Variants in FLVCR2 observed in about 807,000 individuals in gnomAD.
FLVCR2 encodes the protein FLVCR choline and putative heme transporter 2, also known as choline/ethanolamine transporter FLVCR2.
FLVCR2 carries 38 observed loss-of-function variants against 48.9 expected under a neutral mutation model. That is an observed-to-expected ratio of 0.78 (90% CI 0.60 to 1.02). The LOEUF (loss-of-function observed/expected upper bound fraction) is 1.02, where lower values mean the gene tolerates loss of function less well. Ranked by LOEUF, FLVCR2 falls within the 50% of genes least tolerant of loss-of-function variation. FLVCR2 has a pLI of 0.00. For synonymous variants in FLVCR2, 255 were observed against 257.0 expected (o/e 0.99, Z 0.07); for missense variants, 664 against 663.3 (o/e 1.00, Z -0.01).
At chr14:75,609,497 C>A (rs2140025456) in intron 1 of FLVCR2, among the ~76,000 whole-genome samples, 1 of 152,206 alleles carries the variant, frequency 6.6e-6, no homozygotes, top group South Asian at 2.1e-4. Context: ...ATTTCTTTTT[C>A]TTTCCAGCTG....
chr14:75,595,918 A>C, intron 1 of FLVCR2: 1 of 1,235,852 alleles, frequency 8.1e-7, no homozygotes, highest in East Asian at 2.3e-5. Context: ...TTCTTCTCAT[A>C]CAGGCCATGT....
rs76933739 is a variant in FLVCR2, at chr14:75,619,784, G to A, written c.670-2295G>A. Among the ~76,000 whole-genome samples the A allele has an allele frequency of 4.6e-4, 70 of 152,288 alleles. 1 individual carries two copies. In the East Asian group the frequency reaches 0.012, roughly 26 times the overall value. The stretch of plus-strand genomic sequence containing the variant: ...CTGCTAAGGCCCACCCATCCAACCT[G>A]CTGCCTGGAGAAGGCTTAAAAGCCG... On this transcript the variant is annotated intron_variant, in intron 1 of 9. Transcript: ENST00000238667.
chr14:75,582,271 T>C (rs1002071339), intron 1 of FLVCR2, among the ~76,000 whole-genome samples: 6 of 152,208 alleles, frequency 3.9e-5, no homozygotes, highest in African/African-American at 1.4e-4. Flanking sequence ...GAAACCTCTT[T>C]CAGCCCATAT....
intron 1 of FLVCR2, among the ~76,000 whole-genome samples, chr14:75,594,981 G>A (rs1888982676): frequency 1.3e-5 from 2 of 152,216 alleles, no homozygotes; most frequent in East Asian, 1.9e-4. Context: ...GCCTCCCAAA[G>A]TGCTGGGTTT....
At chr14:75,596,290 A>G (rs1889019619) in intron 1 of FLVCR2, 1 of 492,732 alleles carries the variant, frequency 2.0e-6, no homozygotes, top group Non-Finnish European at 3.7e-6. Flanking sequence ...GGAGGAGAGT[A>G]GACAAGGGCT....
At chr14:75,596,784 C>G (rs900764905) in intron 1 of FLVCR2, among the ~76,000 whole-genome samples, 12 of 104,544 alleles carry the variant, frequency 1.1e-4, no homozygotes, top group Admixed American at 3.7e-4. Flanking sequence ...TCTTTTGCCC[C>G]CCCCCCCCGC....
intron 9 of FLVCR2, among the ~76,000 whole-genome samples, chr14:75,645,917 CAAAAAAA>C (rs33996926): frequency 5.3e-5 from 5 of 93,934 alleles, no homozygotes; most frequent in East Asian, 3.4e-4. Context: ...GACTCCATCT[CAAAAAAA>C]AAAAAAAAAA....
intron 1 of FLVCR2, chr14:75,596,264 C>G: frequency 1.8e-6 from 1 of 554,602 alleles, no homozygotes; most frequent in South Asian, 2.0e-5. Flanking sequence ...TGCTTTCTAG[C>G]CTCCTATTGT....
chr14:75,620,181 C>T (rs1352647569), intron 1 of FLVCR2, among the ~76,000 whole-genome samples: 1 of 152,166 alleles, frequency 6.6e-6, no homozygotes, highest in Non-Finnish European at 1.5e-5. Flanking sequence ...CTGCTTGTGG[C>T]TGGTTTCTAC....
intron 9 of FLVCR2, among the ~76,000 whole-genome samples, chr14:75,644,583 G>C (rs536386605): frequency 1.3e-5 from 2 of 152,242 alleles, no homozygotes; most frequent in East Asian, 3.9e-4. Context: ...TGTGTCCCTG[G>C]ATAATTCACT....
At chr14:75,596,180 AGTGTG>A in intron 1 of FLVCR2, 1 of 740,042 alleles carries the variant, frequency 1.4e-6, no homozygotes, top group Non-Finnish European at 2.5e-6. Context: ...TGAACTTTCT[AGTGTG>A]GATAGTTACT....
At chr14:75,624,263 C>T (rs552153367) in intron 2 of FLVCR2, among the ~76,000 whole-genome samples, 4 of 149,966 alleles carry the variant, frequency 2.7e-5, no homozygotes, top group South Asian at 2.1e-4. Flanking sequence ...CTCAGGAGGC[C>T]GAGATGGGAG....
intron 1 of FLVCR2, among the ~76,000 whole-genome samples, chr14:75,594,105 G>T (rs931852784): frequency 4.6e-5 from 7 of 152,190 alleles, no homozygotes; most frequent in African/African-American, 1.7e-4. Context: ...ATTCTGCCAA[G>T]TTCTTTGCAA....
intron 1 of FLVCR2, among the ~76,000 whole-genome samples, chr14:75,609,010 G>A (rs1427941587): frequency 1.3e-5 from 2 of 151,860 alleles, no homozygotes; most frequent in African/African-American, 2.4e-5. Flanking sequence ...CCAGTTGACA[G>A]CAGGCAATGA....
intron 1 of FLVCR2, chr14:75,596,320 A>G (rs1210508388): frequency 2.4e-6 from 1 of 416,732 alleles, no homozygotes; most frequent in Non-Finnish European, 4.4e-6. Context: ...AAACAAGGCC[A>G]GTAGTGACTA....
chr14:75,596,612 TGATAA>T (rs1889027519), intron 1 of FLVCR2, among the ~76,000 whole-genome samples: 6 of 152,206 alleles, frequency 3.9e-5, no homozygotes, highest in Admixed American at 3.9e-4. Context: ...TTTGTAATCA[TGATAA>T]AATATAAATA....
In FLVCR2 at chr14:75,613,168, T is replaced by G. The variant is rs892899655; in HGVS notation, c.670-8911T>G. On this transcript the variant is annotated intron_variant, in intron 1 of 9. Transcript: ENST00000238667. ...TGTGTTAGTCCATTTTGGATTGCTATAAAGGAATATCTGAGGCTGGGTGAT... is the reference window on the plus strand; with the variant it reads ...TGTGTTAGTCCATTTTGGATTGCTAGAAAGGAATATCTGAGGCTGGGTGAT... 2.0e-5 allele frequency among the ~76,000 whole-genome samples: 3 copies of G among 152,118 alleles called. No individual in the cohort carries two copies. The South Asian group carries it at 6.2e-4, about 32-fold the overall frequency.
At chr14:75,584,751 G>A (rs1352816659) in intron 1 of FLVCR2, among the ~76,000 whole-genome samples, 1 of 152,208 alleles carries the variant, frequency 6.6e-6, no homozygotes, top group African/African-American at 2.4e-5. Flanking sequence ...CGTTCATCTG[G>A]GGAGAGGGTA....
intron 1 of FLVCR2, among the ~76,000 whole-genome samples, chr14:75,584,450 G>A (rs112682929): frequency 0.024 from 3,655 of 152,300 alleles, 271 homozygotes; most frequent in East Asian, 0.23. Flanking sequence ...GGTCTAGGGC[G>A]GTAAAGCGTC....
Sources: allele counts gnomAD v4.1 joint callset (sites outside exome capture counted in the v4.1 genomes callset), GRCh38; gene constraint gnomAD v4.1.1; transcripts MANE v1.5; gene names NCBI Gene and HGNC (gene_info 2026-07-23, HGNC 2026-07-21).